Variants in GLP1R observed in about 807,000 individuals in gnomAD.
GLP1R encodes the protein glucagon like peptide 1 receptor.
A neutral mutation model predicts 68.4 loss-of-function variants in GLP1R; 32 were observed. The observed-to-expected ratio is 0.47, with a 90% CI of 0.35 to 0.63. The LOEUF is 0.63. Among genes scored for constraint, GLP1R ranks in the 20% least tolerant of loss-of-function variants. GLP1R has a pLI of 0.00. For synonymous variants in GLP1R, 263 were observed against 244.4 expected (o/e 1.08, Z -0.71); for missense variants, 502 against 594.9 (o/e 0.84, Z 1.62).
chr6:39,054,887 A>C (rs1379511416), intron 1 of GLP1R, among the ~76,000 whole-genome samples: 1 of 152,254 alleles, frequency 6.6e-6, no homozygotes, highest in Non-Finnish European at 1.5e-5. Flanking sequence ...ACTTGCTCTG[A>C]TGAAAACTGT....
At chr6:39,081,148 A>C (rs1327138352) in intron 12 of GLP1R, among the ~76,000 whole-genome samples, 3 of 150,086 alleles carry the variant, frequency 2.0e-5, no homozygotes, top group Non-Finnish European at 3.0e-5. Flanking sequence ...TCAAAAAAAA[A>C]CCCTGCTAAA....
intron 1 of GLP1R, among the ~76,000 whole-genome samples, chr6:39,050,747 G>A (rs1042129689): frequency 3.9e-5 from 6 of 152,224 alleles, no homozygotes; most frequent in African/African-American, 1.4e-4. Context: ...TTTGTTTTCT[G>A]TCTATGAAGT....
chr6:39,082,166 C>T (rs1740693493), intron 12 of GLP1R, among the ~76,000 whole-genome samples: 1 of 152,142 alleles, frequency 6.6e-6, no homozygotes, highest in Admixed American at 6.5e-5. Context: ...CCTGCTTCTG[C>T]TGAACTGGCT....
chr6:39,073,830 C>T, intron 7 of GLP1R, 61 bp downstream of exon 7: 1 of 1,468,424 alleles, frequency 6.8e-7, no homozygotes, highest in South Asian at 1.2e-5. Flanking sequence ...CTTGACCCCT[C>T]TTCTAACATG....
chr6:39,059,746 C>A (rs763723169), intron 3 of GLP1R, among the ~76,000 whole-genome samples: 5 of 152,174 alleles, frequency 3.3e-5, no homozygotes, highest in Admixed American at 6.5e-5. Flanking sequence ...TTGAGACTGG[C>A]AGCTTGGCCA....
Position 39,066,255 on chromosome 6 carries a change from T to A in GLP1R, c.461T>A (p.Leu154His). 1 of 1,613,442 alleles carries A rather than the reference T, an allele frequency of 6.2e-7. No individual in the cohort carries two copies. Among genetic ancestry groups the A allele is most frequent in the South Asian group, 1.1e-5 (1 of 91,060 alleles). The change falls in exon 5 of 13, where the codon CTC becomes CAC. Residue 154 changes from leucine to histidine, a missense_variant. Transcript: ENST00000373256. ...LYIIYTVGYA[L>H]SFSALVIASA... Reference sequence around the variant, plus strand: ...ATCATCTACACGGTGGGCTACGCACTCTCCTTCTCTGCTCTGGTTATCGCC... The same window carrying A: ...ATCATCTACACGGTGGGCTACGCACACTCCTTCTCTGCTCTGGTTATCGCC...
chr6:39,056,420 G>A lies in GLP1R; in HGVS notation c.102G>A (p.Glu34=). ...RPQGATVSLW[E]TVQKWREYRR... The stretch of plus-strand genomic sequence containing the variant: ...AGGGTGCCACTGTGTCCCTCTGGGA[G>A]ACGGTGCAGAAATGGCGAGAATACC... The change falls in exon 2 of 13, where the codon GAG becomes GAA. Residue 34 remains glutamate (E), a synonymous_variant. Transcript: ENST00000373256. The A allele has an allele frequency of 6.2e-7, 1 of 1,607,584 alleles. No homozygotes were observed. The highest frequency in any genetic ancestry group is 8.5e-7 in the Non-Finnish European group (1 of 1,174,092).
chr6:39,082,012 G>C (rs1385603798), intron 12 of GLP1R, among the ~76,000 whole-genome samples: 1 of 152,204 alleles, frequency 6.6e-6, no homozygotes, highest in Admixed American at 6.5e-5. Flanking sequence ...ATCTCCAGAT[G>C]CTCAGTAAGC....
intron 12 of GLP1R, among the ~76,000 whole-genome samples, chr6:39,082,177 A>G (rs1769025561): frequency 1.3e-5 from 2 of 152,064 alleles, no homozygotes; most frequent in Admixed American, 6.5e-5. Context: ...TGAACTGGCT[A>G]CCTGTGGGAA....
intron 3 of GLP1R, among the ~76,000 whole-genome samples, chr6:39,060,384 G>C (rs986541909): frequency 6.6e-6 from 1 of 152,158 alleles, no homozygotes; most frequent in Non-Finnish European, 1.5e-5. Flanking sequence ...GTTGGGGAGG[G>C]GTCATTTTCA....
At chr6:39,078,295 C>G in intron 7 of GLP1R, 27 bp from the exon 8 acceptor site, 1 of 1,579,912 alleles carries the variant, frequency 6.3e-7, no homozygotes, top group Non-Finnish European at 8.7e-7. Flanking sequence ...CAGCCCCTCT[C>G]CCCTTCTGTC....
Position 39,079,659 on chromosome 6 carries a change from G to A in GLP1R, c.1139G>A (p.Arg380His). ...VMDEHARGTLRFIKLFTELSF... is the reference protein window; with the variant it reads ...VMDEHARGTLHFIKLFTELSF... ...GACGAGCACGCCCGGGGGACCCTGC[G>A]CTTCATCAAGCTGTTTACAGAGCTC... The change falls in exon 11 of 13, where the codon CGC becomes CAC. Residue 380 changes from arginine to histidine, a missense_variant. By Grantham distance (29) the Arg-to-His change is conservative (BLOSUM62 0). Transcript: ENST00000373256. The surrounding 1 kb of genome is among the most constrained non-coding windows in gnomAD (Gnocchi z 4.5). The A allele has an allele frequency of 1.1e-5, 17 of 1,612,060 alleles. No individual in the cohort carries two copies. Among genetic ancestry groups the A allele is most frequent in the Non-Finnish European group, 1.4e-5 (16 of 1,179,190 alleles).
At chr6:39,067,334 T>C (rs932375769) in intron 5 of GLP1R, among the ~76,000 whole-genome samples, 1 of 152,226 alleles carries the variant, frequency 6.6e-6, no homozygotes, top group Admixed American at 6.5e-5. Flanking sequence ...CTGGGTAATT[T>C]CTAAATAACA....
chr6:39,048,907 C>A lies in GLP1R; in HGVS notation c.67C>A (p.Pro23Thr). 1 of 1,412,642 alleles carries A rather than the reference C, an allele frequency of 7.1e-7. No individual in the cohort carries two copies. Among genetic ancestry groups the A allele is most frequent in the Non-Finnish European group, 9.3e-7 (1 of 1,078,786 alleles). The allele number at this position is 1,412,642 out of a possible 1,614,324, so 87.5% of individuals were successfully genotyped here. ...GCTCGGGATGGTGGGCAGGGCCGGC[C>A]CCCGCCCCCAGGTGAGATCCAGGGA... ...LLLGMVGRAGPRPQGATVSLW... is the reference protein window; with the variant it reads ...LLLGMVGRAGTRPQGATVSLW... Residue 23 changes from proline (P) to threonine (T), a missense_variant, in exon 1 of 13, where the codon CCC becomes ACC. Pro to Thr is a conservative substitution (Grantham distance 38). Transcript: ENST00000373256.
At chr6:39,061,561 C>T (rs1474351383) in intron 3 of GLP1R, among the ~76,000 whole-genome samples, 1 of 152,158 alleles carries the variant, frequency 6.6e-6, no homozygotes, top group Non-Finnish European at 1.5e-5. Flanking sequence ...CAAGGGGAAA[C>T]TGAGGCCCAA....
Position 39,085,941 on chromosome 6 carries a change from G to A in GLP1R, c.1260G>A (p.Trp420Ter). 6.2e-7 allele frequency: 1 copy of A among 1,613,900 alleles called. No individual in the cohort carries two copies. The highest frequency in any genetic ancestry group is 8.5e-7 in the Non-Finnish European group (1 of 1,179,876). The stretch of plus-strand genomic sequence containing the variant: ...AATTTCGGAAGAGCTGGGAGCGCTG[G>A]CGGCTTGAGCACTTGCACATCCAGA... Reference protein sequence around the residue: ...QLEFRKSWERWRLEHLHIQRD... With the variant: ...QLEFRKSWER Residue 420 changes from tryptophan (W) to a stop codon, truncating the protein, a stop_gained, in exon 13 of 13, where the codon TGG (tryptophan) becomes TGA (stop). Transcript: ENST00000373256. LOFTEE classifies it high-confidence loss of function.
intron 7 of GLP1R, among the ~76,000 whole-genome samples, chr6:39,076,038 T>C (rs1768816082): frequency 6.6e-6 from 1 of 152,216 alleles, no homozygotes; most frequent in Non-Finnish European, 1.5e-5. Context: ...CTTTCGTGAC[T>C]GTGTTTTTTG....
At chr6:39,067,195 A>T (rs1407901499) in intron 5 of GLP1R, among the ~76,000 whole-genome samples, 1 of 152,092 alleles carries the variant, frequency 6.6e-6, no homozygotes, top group East Asian at 1.9e-4. Flanking sequence ...ATTCCGACAC[A>T]TTTCCTTGTA....
Position 39,079,299 on chromosome 6 carries a change from C to A in GLP1R, c.1043+99C>A, listed in dbSNP as rs1377827767. 2.5e-5 allele frequency: 23 copies of A among 933,238 alleles called. No homozygotes were observed. Among genetic ancestry groups the A allele is most frequent in the Non-Finnish European group, 3.6e-5 (21 of 575,372 alleles). The allele number at this position is 933,238 out of a possible 1,614,324, so 57.8% of individuals were successfully genotyped here. A position where few individuals can be genotyped will look rare whatever the true frequency, so the allele number is the denominator to read the frequency against. The stretch of plus-strand genomic sequence containing the variant: ...AGATCCTGGGATGCTTAGCTTAGAG[C>A]CCTACACTACCCTCTCCTTCCACCC... On this transcript the variant is annotated intron_variant, in intron 10 of 12. Transcript: ENST00000373256. The surrounding 1 kb of genome is among the most constrained non-coding windows in gnomAD (Gnocchi z 4.5).
Sources: gnomAD v4.1 joint callset for allele counts (sites outside exome capture counted in the v4.1 genomes callset) on GRCh38, gnomAD v4.1.1 for gene constraint, Gnocchi (gnomAD v3.1) non-coding constraint, MANE v1.5 for transcripts, NCBI Gene and HGNC (gene_info 2026-07-23, HGNC 2026-07-21) for gene names.